The following GPR137B variants were observed in gnomAD, a reference collection of about 807,000 sequenced individuals.
GPR137B encodes integral membrane protein GPR137B.
Under a neutral mutation model 42.5 loss-of-function variants are expected in GPR137B, and 42 were observed. That is an observed-to-expected ratio of 0.99 (90% CI 0.77 to 1.28). The LOEUF (loss-of-function observed/expected upper bound fraction) is 1.28. Ranked by LOEUF, GPR137B falls within the 50% of genes most tolerant of loss-of-function variation. The pLI is 0.00. For synonymous variants in GPR137B, 218 were observed against 209.7 expected, an observed-to-expected ratio of 1.04 and a Z score of -0.34; for missense variants, 487 against 493.9, an observed-to-expected ratio of 0.99 and a Z score of 0.13.
chr1:236,187,341 T>A (rs181612634), intron 5 of GPR137B, among the ~76,000 whole-genome samples: 134 of 152,362 alleles, frequency 8.8e-4, no homozygotes, highest in African/African-American at 3.1e-3. Flanking sequence ...TTTAATTAGA[T>A]CCCATTTGTC....
chr1:236,207,577 TATTGAGA>T (rs1483866130), intron 6 of GPR137B, among the ~76,000 whole-genome samples: 5 of 152,216 alleles, frequency 3.3e-5, no homozygotes, highest in African/African-American at 4.8e-5. Flanking sequence ...GACTTACGTG[TATTGAGA>T]ATTAACTATA....
intron 1 of GPR137B, among the ~76,000 whole-genome samples, chr1:236,148,093 C>T (rs1052626041): frequency 2.0e-5 from 3 of 152,252 alleles, no homozygotes; most frequent in African/African-American, 7.2e-5. Flanking sequence ...AGGCCTTTGA[C>T]TCAGAGCCTG....
chr1:236,146,318 C>T (rs1469817858), intron 1 of GPR137B, among the ~76,000 whole-genome samples: 5 of 152,104 alleles, frequency 3.3e-5, no homozygotes, highest in Non-Finnish European at 7.3e-5. Flanking sequence ...CGTCAGGAGA[C>T]TTGAATGAGA....
At chr1:236,168,624 C>A in intron 1 of GPR137B, 82 bp from the exon 2 acceptor site, 1 of 1,022,104 alleles carries the variant, frequency 9.8e-7, no homozygotes, top group Non-Finnish European at 1.6e-6. Context: ...GATGAAGGGG[C>A]AGAGGAATTC....
chr1:236,196,300 C>G (rs184910979), intron 5 of GPR137B, among the ~76,000 whole-genome samples: 1 of 152,092 alleles, frequency 6.6e-6, no homozygotes, highest in East Asian at 1.9e-4. Flanking sequence ...CTACCACACC[C>G]AGCTAATTTT....
intron 5 of GPR137B, among the ~76,000 whole-genome samples, chr1:236,198,263 G>A (rs1359840056): frequency 6.6e-6 from 1 of 151,976 alleles, no homozygotes; most frequent in Admixed American, 6.6e-5. Flanking sequence ...GGAGTGCAGT[G>A]GTGTGATATT....
intron 3 of GPR137B, 43 bp downstream of exon 3, chr1:236,178,679 C>G (rs759994292): frequency 1.6e-6 from 2 of 1,224,450 alleles, no homozygotes; most frequent in South Asian, 2.4e-5. Context: ...GAAACGTGTT[C>G]TAAAAAGAGT....
At chr1:236,176,119 T>A (rs980438749) in intron 2 of GPR137B, among the ~76,000 whole-genome samples, 8 of 151,838 alleles carry the variant, frequency 5.3e-5, no homozygotes, top group Admixed American at 3.3e-4. Context: ...ATGCCCACAG[T>A]CTGGTGGGGA....
chr1:236,190,149 T>TTCG (rs370667846), intron 5 of GPR137B, among the ~76,000 whole-genome samples: 13 of 50,246 alleles, frequency 2.6e-4, no homozygotes, highest in African/African-American at 1.2e-3. Flanking sequence ...CTGCTTCTTC[T>TTCG]TTTTTTTTTT....
intron 5 of GPR137B, among the ~76,000 whole-genome samples, chr1:236,198,765 T>G (rs1663412935): frequency 2.6e-5 from 4 of 152,184 alleles, no homozygotes; most frequent in Non-Finnish European, 5.9e-5. Flanking sequence ...GATTCTCAGC[T>G]TGGTCGTTGT....
At position 236,208,777 on chromosome 1, in the gene GPR137B, ATC is replaced by A. The variant is rs1477112220; in HGVS notation, c.*623_*624del. The stretch of plus-strand genomic sequence containing the variant: ...GTTCAGGCCGTAGGTTCCTCAAGGA[ATC>A]TCTTAAGTTTTGCCCAAAGACTGGT... On this transcript the variant is annotated 3_prime_UTR_variant, in exon 7 of 7. Transcript: ENST00000366592. 117 of 984,998 alleles carry A rather than the reference ATC, an allele frequency of 1.2e-4. No individual in the cohort carries two copies. The highest frequency in any genetic ancestry group is 1.3e-4 in the Non-Finnish European group (109 of 829,696). The allele number at this position is 984,998 out of a possible 1,614,324, so 61.0% of individuals were successfully genotyped here.
chr1:236,146,057 C>G (rs1446032907), intron 1 of GPR137B, among the ~76,000 whole-genome samples: 1 of 151,822 alleles, frequency 6.6e-6, no homozygotes, highest in African/African-American at 2.4e-5. Flanking sequence ...GGAGTTTTGC[C>G]ATGTTGGCCA....
chr1:236,178,345 A>G (rs1662750317), intron 2 of GPR137B, 69 bp from the exon 3 acceptor site: 1 of 919,128 alleles, frequency 1.1e-6, no homozygotes, highest in Non-Finnish European at 1.8e-6. Context: ...AGTTCACCAA[A>G]ACACATCTCA....
intron 1 of GPR137B, 107 bp downstream of exon 1, chr1:236,143,143 C>A: frequency 1.0e-6 from 1 of 962,788 alleles, no homozygotes; most frequent in Non-Finnish European, 1.6e-6. Flanking sequence ...GGCCCTAGGG[C>A]TGAGAGTGTA....
At chr1:236,147,751 C>T (rs1661722364) in intron 1 of GPR137B, among the ~76,000 whole-genome samples, 1 of 152,178 alleles carries the variant, frequency 6.6e-6, no homozygotes, top group African/African-American at 2.4e-5. Flanking sequence ...CCTTCCTGCC[C>T]AATCCCTGTG....
chr1:236,201,241 T>C (rs1558496439), intron 5 of GPR137B, among the ~76,000 whole-genome samples: 1 of 152,080 alleles, frequency 6.6e-6, no homozygotes, highest in Non-Finnish European at 1.5e-5. Context: ...GTCTTGACTT[T>C]AGATAACCTG....
chr1:236,164,394 C>T (rs952842448), intron 1 of GPR137B, among the ~76,000 whole-genome samples: 7 of 152,140 alleles, frequency 4.6e-5, no homozygotes, highest in African/African-American at 1.7e-4. Context: ...GTCAAAGCAC[C>T]AGAGAGTATG....
intron 1 of GPR137B, among the ~76,000 whole-genome samples, chr1:236,147,329 T>A (rs896647163): frequency 7.9e-5 from 12 of 152,248 alleles, no homozygotes; most frequent in African/African-American, 2.4e-4. Flanking sequence ...TGTGGGTAAC[T>A]GCCACGTGGC....
rs1243532888 is a variant in GPR137B at position 236,208,890 on chromosome 1, T to A, written c.*732T>A. 1 of 984,366 alleles carries A rather than the reference T, an allele frequency of 1.0e-6. No individual in the cohort carries two copies. Among genetic ancestry groups the A allele is most frequent in the Non-Finnish European group, 1.2e-6 (1 of 829,064 alleles). The allele number at this position is 984,366 out of a possible 1,614,324, so 61.0% of individuals were successfully genotyped here. A position where few individuals can be genotyped will look rare whatever the true frequency, so the allele number is the denominator to read the frequency against. ...TGTAGCTGACTTATCCTATTAAACC[T>A]CCTCTGCTATGTTCACAGATTCTGC... is the stretch of plus-strand genomic sequence containing the variant. On this transcript the variant is annotated 3_prime_UTR_variant, in exon 7 of 7. Coordinates refer to ENST00000366592, the MANE Select transcript of GPR137B (RefSeq NM_003272.4).
Sources: allele counts gnomAD v4.1 joint callset (sites outside exome capture counted in the v4.1 genomes callset), GRCh38; gene constraint gnomAD v4.1.1; transcripts MANE v1.5; gene names NCBI Gene and HGNC (gene_info 2026-07-23, HGNC 2026-07-21).